The following STK32B variants were observed in gnomAD, a reference collection of about 807,000 sequenced individuals.
STK32B encodes the protein serine/threonine-protein kinase 32B.
A neutral mutation model predicts 52.6 loss-of-function variants in STK32B; 43 were observed. The observed-to-expected ratio is 0.82, with a 90% CI of 0.64 to 1.05. The LOEUF (loss-of-function observed/expected upper bound fraction) is 1.05. Among genes scored for constraint, STK32B ranks in the 50% least tolerant of loss-of-function variants. The probability of loss-of-function intolerance (pLI) is 0.00; values close to 1 mark genes in which losing one functional copy is unlikely to be tolerated. For synonymous variants in STK32B, 238 were observed against 204.3 expected (o/e 1.17, Z -1.41); for missense variants, 621 against 534.6 (o/e 1.16, Z -1.59).
rs139471168 is a variant in STK32B, at chr4:5,380,077, G to A, written c.435-18130G>A. On this transcript the variant is annotated intron_variant, in intron 4 of 11. Coordinates refer to ENST00000282908, the MANE Select transcript of STK32B (RefSeq NM_018401.3). This position sits in a 1 kb window ranked among gnomAD's most constrained non-coding sequence, Gnocchi z 4.3. Reference sequence around the variant, plus strand: ...TCGATCACGGGGCTATGCTCACTGTGCAGAGCATCTCCCCAGCCCACTGCT... The same window carrying A: ...TCGATCACGGGGCTATGCTCACTGTACAGAGCATCTCCCCAGCCCACTGCT... 0.011 allele frequency among the ~76,000 whole-genome samples: 1,644 copies of A among 152,228 alleles called. 27 individuals carry two copies. Among genetic ancestry groups the A allele is most frequent in the African/African-American group, 0.037 (1,527 of 41,542 alleles).
chr4:5,245,877 C>A (rs1164460175), intron 3 of STK32B, among the ~76,000 whole-genome samples: 4 of 152,186 alleles, frequency 2.6e-5, no homozygotes, highest in Admixed American at 6.5e-5. Context: ...AAATTCTTTT[C>A]TTTAAGAATG....
At chr4:5,490,566 T>A (rs1019364307) in intron 11 of STK32B, among the ~76,000 whole-genome samples, 8 of 152,240 alleles carry the variant, frequency 5.3e-5, no homozygotes, top group South Asian at 2.1e-4. Context: ...TCTTTTTTTT[T>A]AATTTTTTAA....
chr4:5,212,533 A>AC (rs1722967574), intron 3 of STK32B, among the ~76,000 whole-genome samples: 1 of 152,194 alleles, frequency 6.6e-6, no homozygotes, highest in Non-Finnish European at 1.5e-5. Flanking sequence ...CTGCAGAAGC[A>AC]CCCCATGGCT....
intron 3 of STK32B, among the ~76,000 whole-genome samples, chr4:5,315,539 A>C (rs1011536318): frequency 6.6e-6 from 1 of 152,158 alleles, no homozygotes; most frequent in African/African-American, 2.4e-5. Flanking sequence ...TATATGATTT[A>C]TGGATGCATA....
chr4:5,289,685 ATTTTTTTTTTTTTTTTTTT>A (rs56211807), intron 3 of STK32B, among the ~76,000 whole-genome samples: 1 of 86,854 alleles, frequency 1.2e-5, no homozygotes, highest in Non-Finnish European at 2.4e-5. Context: ...TGCCCGGCTA[ATTTTTTTTTTTTTTTTTTT>A]TTTTTTTTTT....
intron 11 of STK32B, among the ~76,000 whole-genome samples, chr4:5,475,728 A>C (rs1391326994): frequency 6.6e-6 from 1 of 151,040 alleles, no homozygotes. Context: ...GATTCTGACA[A>C]ATCTCAGCCA....
At chr4:5,384,410 T>C (rs1577424948) in intron 4 of STK32B, among the ~76,000 whole-genome samples, 1 of 148,030 alleles carries the variant, frequency 6.8e-6, no homozygotes, top group Non-Finnish European at 1.5e-5. Context: ...GAGTAAAAGG[T>C]GCTGGAGGTT....
At chr4:5,095,518 G>A (rs933186807) in intron 1 of STK32B, among the ~76,000 whole-genome samples, 3 of 152,192 alleles carry the variant, frequency 2.0e-5, no homozygotes, top group African/African-American at 7.2e-5. Context: ...GGGAGGCTGA[G>A]GCAGGAGAAT....
At position 5,466,739 on chromosome 4, in the gene STK32B, G is replaced by A; in HGVS notation, c.946G>A (p.Glu316Lys). 2 of 1,614,016 alleles carry A rather than the reference G, an allele frequency of 1.2e-6. No homozygotes were observed. The highest frequency in any genetic ancestry group is 1.1e-5 in the South Asian group (1 of 91,044). ...GAACTGCGATCCCACATTTGAGCTT[G>A]AAGAGATGATTCTAGAATCCAAGCC... The part of the protein sequence containing the change: ...RLNCDPTFEL[E>K]EMILESKPLH... The change falls in exon 10 of 12, where the codon GAA becomes AAA. Residue 316 changes from glutamate (E) to lysine (K), a missense_variant. Coordinates refer to ENST00000282908, the MANE Select transcript of STK32B (RefSeq NM_018401.3).
intron 3 of STK32B, among the ~76,000 whole-genome samples, chr4:5,310,023 G>A (rs565185252): frequency 2.0e-3 from 310 of 152,072 alleles, no homozygotes; most frequent in African/African-American, 7.0e-3. Flanking sequence ...AAAATTAGCC[G>A]GGCGTGGTGG....
intron 4 of STK32B, among the ~76,000 whole-genome samples, chr4:5,393,124 A>G (rs1405564158): frequency 5.9e-5 from 9 of 152,198 alleles, no homozygotes; most frequent in South Asian, 2.1e-4. Flanking sequence ...CAAGTTGGCT[A>G]AGGCATAGGT....
chr4:5,326,381 TA>T (rs138961714), intron 3 of STK32B, among the ~76,000 whole-genome samples: 12 of 151,962 alleles, frequency 7.9e-5, no homozygotes. Context: ...GTAGCTTAAT[TA>T]AAAAAAATAA....
intron 6 of STK32B, among the ~76,000 whole-genome samples, chr4:5,429,655 A>G (rs977304785): frequency 6.6e-6 from 1 of 151,728 alleles, no homozygotes; most frequent in Non-Finnish European, 1.5e-5. Flanking sequence ...TCTTTTTGCT[A>G]TTTTCATATT....
At chr4:5,141,210 A>C (rs1292563546) in intron 2 of STK32B, among the ~76,000 whole-genome samples, 1 of 152,228 alleles carries the variant, frequency 6.6e-6, no homozygotes, top group African/African-American at 2.4e-5. Context: ...TCAGGTTATG[A>C]CGCATTTCCA....
intron 5 of STK32B, among the ~76,000 whole-genome samples, chr4:5,414,792 GGAGA>G (rs1243510552): frequency 3.9e-5 from 6 of 152,200 alleles, no homozygotes; most frequent in Non-Finnish European, 7.3e-5. Context: ...CATGGGGGTG[GGAGA>G]GACATTGAGG....
At chr4:5,496,150 C>G (rs1480324714) in intron 11 of STK32B, among the ~76,000 whole-genome samples, 2 of 152,360 alleles carry the variant, frequency 1.3e-5, no homozygotes, top group Admixed American at 1.3e-4. Flanking sequence ...TTACTGCTGT[C>G]TTTTTGTTTG....
chr4:5,201,085 A>G (rs1374075989), intron 3 of STK32B, among the ~76,000 whole-genome samples: 1 of 152,250 alleles, frequency 6.6e-6, no homozygotes, highest in Admixed American at 6.5e-5. Flanking sequence ...GTAGTAAAAC[A>G]TGGCTCAGCA....
At chr4:5,377,618 C>A (rs1038256411) in intron 4 of STK32B, among the ~76,000 whole-genome samples, 1 of 152,198 alleles carries the variant, frequency 6.6e-6, no homozygotes, top group Non-Finnish European at 1.5e-5. Flanking sequence ...TCCCCATAAT[C>A]CCCACGTGTC....
intron 3 of STK32B, among the ~76,000 whole-genome samples, chr4:5,254,674 A>G (rs1351640115): frequency 6.6e-6 from 1 of 152,168 alleles, no homozygotes; most frequent in African/African-American, 2.4e-5. Context: ...GAGATTGTTT[A>G]GCTTTTTCTT....
Sources: allele counts gnomAD v4.1 joint callset (sites outside exome capture counted in the v4.1 genomes callset), GRCh38; gene constraint gnomAD v4.1.1; non-coding constraint Gnocchi (gnomAD v3.1); transcripts MANE v1.5; gene names NCBI Gene and HGNC (gene_info 2026-07-23, HGNC 2026-07-21).